SNAPC1: variants seen among roughly 807,000 people sequenced by gnomAD.
SNAPC1 encodes small nuclear RNA activating complex polypeptide 1, also known as snRNA-activating protein complex subunit 1.
Under a neutral mutation model 50.1 loss-of-function variants are expected in SNAPC1, and 42 were observed. The observed-to-expected ratio is 0.84, with a 90% CI of 0.65 to 1.08. SNAPC1 has a LOEUF of 1.08. SNAPC1 is among the 50% of genes least tolerant of loss of function. The pLI is 0.00. For synonymous variants in SNAPC1, 164 were observed against 144.2 expected, an observed-to-expected ratio of 1.14 and a Z score of -0.98; for missense variants, 477 against 427.3, an observed-to-expected ratio of 1.12 and a Z score of -1.02.
At position 61,780,282 on chromosome 14, in the gene SNAPC1, G is replaced by T. The variant is rs544287579; in HGVS notation, c.825+1372G>T. On this transcript the variant is annotated intron_variant, in intron 7 of 9. Coordinates refer to ENST00000216294, the MANE Select transcript of SNAPC1 (RefSeq NM_003082.4). ...TCAGCCCCTCTATTTTCAATAAGAG[G>T]CCTCATCTCCTTCCTCACCTACACC... 2.0e-5 allele frequency among the ~76,000 whole-genome samples: 3 copies of T among 152,066 alleles called. 1 individual carries two copies. The South Asian group carries it at 6.2e-4, about 31-fold the overall frequency.
intron 8 of SNAPC1, among the ~76,000 whole-genome samples, chr14:61,785,253 C>G (rs2045106726): frequency 6.6e-6 from 1 of 151,982 alleles, no homozygotes; most frequent in South Asian, 2.1e-4. Context: ...AAATACAAAA[C>G]TAGCTGGGCT....
At position 61,782,417 on chromosome 14, in the gene SNAPC1, C is replaced by T. The variant is rs2045082574; in HGVS notation, c.976+20C>T. On this transcript the variant is annotated intron_variant, in intron 8 of 9. Transcript: ENST00000216294. ...ACAAAGGTAACTTTTTAAAGTCTTA[C>T]TAAGATTCAACAAAGGAGAATGGGT... 2 of 1,586,712 alleles carry T rather than the reference C, an allele frequency of 1.3e-6. No homozygotes were observed. The highest frequency in any genetic ancestry group is 2.7e-5 in the African/African-American group (2 of 73,698).
intron 8 of SNAPC1, among the ~76,000 whole-genome samples, chr14:61,787,407 T>TTA (rs1555342124): frequency 2.5e-4 from 38 of 151,660 alleles, no homozygotes; most frequent in South Asian, 4.2e-4. Context: ...TTTTTTTTTT[T>TTA]AAAGAAAATG....
At chr14:61,768,826 T>C in intron 4 of SNAPC1, 86 bp downstream of exon 4, 1 of 660,380 alleles carries the variant, frequency 1.5e-6, no homozygotes, top group Non-Finnish European at 2.7e-6. Flanking sequence ...ATCTACTGGA[T>C]ACTGATTTTT....
At chr14:61,764,969 G>A (rs1468159122) in intron 1 of SNAPC1, among the ~76,000 whole-genome samples, 2 of 151,980 alleles carry the variant, frequency 1.3e-5, no homozygotes, top group Non-Finnish European at 2.9e-5. Flanking sequence ...TTTGTTGCTG[G>A]TTTTAAAGTA....
chr14:61,785,722 A>G (rs143406395), intron 8 of SNAPC1, among the ~76,000 whole-genome samples: 10 of 152,330 alleles, frequency 6.6e-5, no homozygotes, highest in African/African-American at 2.4e-4. Context: ...AGGTAAGACA[A>G]AAAGTTGGAT....
At chr14:61,766,703 G>A (rs988689228) in intron 1 of SNAPC1, among the ~76,000 whole-genome samples, 173 bp from the exon 2 acceptor site, 1 of 152,168 alleles carries the variant, frequency 6.6e-6, no homozygotes, top group Non-Finnish European at 1.5e-5. Flanking sequence ...TGTTTACCTA[G>A]TAGTTGCCTT....
At position 61,762,511 on chromosome 14, in the gene SNAPC1, C is replaced by G. The variant is rs200508586; in HGVS notation, c.51C>G (p.Arg17=). The G allele has an allele frequency of 1.3e-6, 2 of 1,498,186 alleles. No homozygotes were observed. Among genetic ancestry groups the G allele is most frequent in the Non-Finnish European group, 1.8e-6 (2 of 1,110,990 alleles). The allele number at this position is 1,498,186 out of a possible 1,614,324, so 92.8% of individuals were successfully genotyped here. A position where few individuals can be genotyped will look rare whatever the true frequency, so the allele number is the denominator to read the frequency against. Residue 17 remains arginine, a synonymous_variant, in exon 1 of 10, where the codon CGC becomes CGG. Transcript: ENST00000216294. ...LQTDCEALLS[R]FQETDSVRFE... is the part of the protein sequence containing the mutation. Reference sequence around the variant, plus strand: ...CCGACTGCGAGGCGCTGCTCAGCCGCTTCCAGGAGACGGACAGTGTACGCT... The same window carrying G: ...CCGACTGCGAGGCGCTGCTCAGCCGGTTCCAGGAGACGGACAGTGTACGCT...
At chr14:61,769,247 A>G (rs2044970352) in intron 4 of SNAPC1, among the ~76,000 whole-genome samples, 1 of 151,936 alleles carries the variant, frequency 6.6e-6, no homozygotes, top group African/African-American at 2.4e-5. Context: ...GGTCCCAGCT[A>G]CTGGGGAGGC....
At chr14:61,780,682 T>A (rs1269648582) in intron 7 of SNAPC1, among the ~76,000 whole-genome samples, 1 of 152,204 alleles carries the variant, frequency 6.6e-6, no homozygotes, top group African/African-American at 2.4e-5. Context: ...CTCTGTAGTT[T>A]AATTAGGTCT....
At chr14:61,789,044 A>G (rs892302069) in intron 8 of SNAPC1, among the ~76,000 whole-genome samples, 1 of 152,138 alleles carries the variant, frequency 6.6e-6, no homozygotes. Context: ...CAGCCTGGCC[A>G]ATATGGTGAA....
intron 1 of SNAPC1, among the ~76,000 whole-genome samples, chr14:61,762,833 A>G (rs140620915): frequency 5.9e-4 from 89 of 151,276 alleles, no homozygotes; most frequent in African/African-American, 2.1e-3. Context: ...CTCCCTTCTA[A>G]ACTCCTCTCT....
In SNAPC1 at chr14:61,795,628, GTATT is replaced by G. The variant is rs1364198779; in HGVS notation, c.*648_*651del. 1.3e-5 allele frequency: 2 copies of G among 151,586 alleles called. No individual in the cohort carries two copies. The highest frequency in any genetic ancestry group is 4.9e-5 in the African/African-American group (2 of 41,232). 9.4% of individuals were successfully genotyped at this position (151,586 alleles called of 1,614,324 possible). On this transcript the variant is annotated 3_prime_UTR_variant, in exon 10 of 10. Transcript: ENST00000216294. ...AAGTACTTAAATACTAATGTATTAA[GTATT>G]TAAGTACTTTCTAATAAAATCTTTA...
rs2045177089 is a variant in SNAPC1 at position 61,794,847 on chromosome 14, T to C, written c.1073-102T>C. 4 of 783,662 alleles carry C rather than the reference T, an allele frequency of 5.1e-6. No individual in the cohort carries two copies. The South Asian group carries it at 5.8e-5, about 11-fold the overall frequency. The allele number at this position is 783,662 out of a possible 1,614,324, so 48.5% of individuals were successfully genotyped here. A position where few individuals can be genotyped will look rare whatever the true frequency, so the allele number is the denominator to read the frequency against. ...GTTAGACGTCTATGTAGTTGAAATGTGTATTATCAATTAGGTATTATCATG... is the reference window on the plus strand; with the variant it reads ...GTTAGACGTCTATGTAGTTGAAATGCGTATTATCAATTAGGTATTATCATG... On this transcript the variant is annotated intron_variant, in intron 9 of 9. Coordinates refer to ENST00000216294, the MANE Select transcript of SNAPC1 (RefSeq NM_003082.4).
At chr14:61,773,456 G>C (rs978735016) in intron 4 of SNAPC1, among the ~76,000 whole-genome samples, 9 of 140,636 alleles carry the variant, frequency 6.4e-5, no homozygotes, top group African/African-American at 1.1e-4. Flanking sequence ...AGGCTGGAGT[G>C]CGATCTTGGC....
intron 1 of SNAPC1, among the ~76,000 whole-genome samples, chr14:61,765,691 A>G (rs2044942174): frequency 6.6e-6 from 1 of 152,082 alleles, no homozygotes; most frequent in Admixed American, 6.5e-5. Flanking sequence ...TTCCAGCTTG[A>G]GTTTTCCTTA....
intron 1 of SNAPC1, among the ~76,000 whole-genome samples, chr14:61,764,925 C>CTATTT (rs2044935700): frequency 6.6e-6 from 1 of 151,592 alleles, no homozygotes; most frequent in Non-Finnish European, 1.5e-5. Flanking sequence ...TAATAGAGCC[C>CTATTT]GTGTTTATGG....
chr14:61,782,220 T>C, intron 7 of SNAPC1, 27 bp from the exon 8 acceptor site: 2 of 1,495,038 alleles, frequency 1.3e-6, no homozygotes, highest in Non-Finnish European at 1.8e-6. Context: ...TTATAATTTA[T>C]TGGTTAATTG....
chr14:61,765,993 G>C (rs2044945884), intron 1 of SNAPC1, among the ~76,000 whole-genome samples: 1 of 152,202 alleles, frequency 6.6e-6, no homozygotes, highest in South Asian at 2.1e-4. Flanking sequence ...GAAAATGTTC[G>C]TTAGGTAAAA....
Sources: gnomAD v4.1 joint callset for allele counts (sites outside exome capture counted in the v4.1 genomes callset) on GRCh38, gnomAD v4.1.1 for gene constraint, MANE v1.5 for transcripts, NCBI Gene and HGNC (gene_info 2026-07-23, HGNC 2026-07-21) for gene names.